Variants in PTPN22 observed in about 807,000 individuals in gnomAD.
PTPN22 encodes the protein tyrosine-protein phosphatase non-receptor type 22.
PTPN22 carries 85 observed loss-of-function variants against 103.3 expected under a neutral mutation model. The observed-to-expected ratio is 0.82, with a 90% CI of 0.69 to 0.99. The LOEUF (loss-of-function observed/expected upper bound fraction) is 0.99. Ranked by LOEUF, PTPN22 falls within the 50% of genes least tolerant of loss-of-function variation. The pLI is 0.00. For missense variants in PTPN22, 865 were observed against 936.9 expected (o/e 0.92, Z 1.00); for synonymous variants, 323 against 310.2 (o/e 1.04, Z -0.43).
intron 4 of PTPN22, 65 bp downstream of exon 4, chr1:113,858,413 A>T: frequency 8.0e-7 from 1 of 1,251,692 alleles, no homozygotes; most frequent in African/African-American, 1.5e-5. Flanking sequence ...CCACTGACCA[A>T]TTTTTTAAAA....
Position 113,836,415 on chromosome 1 carries a change from ATTTT to A in PTPN22, c.1810+1171_1810+1174del, listed in dbSNP as rs558084068. Among the ~76,000 whole-genome samples, 6 of 152,226 alleles carry A rather than the reference ATTTT, an allele frequency of 3.9e-5. No homozygotes were observed. The South Asian group carries it at 1.0e-3, about 26-fold the overall frequency. On this transcript the variant is annotated intron_variant, in intron 13 of 20. Coordinates refer to ENST00000359785, the Ensembl canonical transcript of PTPN22. ...AAAGTAAAGGTATACATATGATAAA[ATTTT>A]TACACAAAATACTAAACATGTATTG...
exon 13 of PTPN22, chr1:113,838,292 G>A (rs72650671): frequency 1.2e-6 from 2 of 1,613,740 alleles, no homozygotes; most frequent in Non-Finnish European, 1.7e-6. Context: ...TTAGCAGGGT[G>A]CAAAACTAGC....
intron 16 of PTPN22, chr1:113,832,798 T>G (rs1662659348): frequency 4.5e-6 from 1 of 222,536 alleles, no homozygotes; most frequent in South Asian, 6.9e-5. Flanking sequence ...CAGAAATAAT[T>G]TTTTGAATCA....
At chr1:113,816,877 C>G (rs1378878076) in intron 20 of PTPN22, among the ~76,000 whole-genome samples, 1 of 152,028 alleles carries the variant, frequency 6.6e-6, no homozygotes, top group African/African-American at 2.4e-5. Flanking sequence ...CCACTGCACT[C>G]CAGCCTGGGT....
At chr1:113,816,227 C>T (rs1661133566) in intron 20 of PTPN22, among the ~76,000 whole-genome samples, 1 of 152,102 alleles carries the variant, frequency 6.6e-6, no homozygotes, top group Admixed American at 6.6e-5. Flanking sequence ...TAATCCCACA[C>T]TTTGGGAGGC....
chr1:113,820,175 C>T (rs1379177852), intron 19 of PTPN22, among the ~76,000 whole-genome samples: 5 of 151,986 alleles, frequency 3.3e-5, no homozygotes, highest in African/African-American at 4.8e-5. Flanking sequence ...GGCCCATAAC[C>T]GGGCACGGTG....
intron 19 of PTPN22, among the ~76,000 whole-genome samples, chr1:113,822,953 C>T (rs996962400): frequency 3.3e-5 from 5 of 152,054 alleles, no homozygotes; most frequent in East Asian, 1.9e-4. Context: ...AGCTAGACTC[C>T]GTCTCAAAAA....
Position 113,854,485 on chromosome 1 carries a change from A to C in PTPN22, c.736T>G (p.Leu246Val). Residue 246 changes from leucine (L) to valine (V), a missense_variant, in exon 9 of 21, where the codon TTG becomes GTG. Transcript: ENST00000359785. ...GAGAAACTCACCCCATCTTTTAGCA[A>C]CATCCATGTATAATCAATAGCACAA... is the stretch of plus-strand genomic sequence containing the variant. 1.9e-6 allele frequency: 3 copies of C among 1,613,772 alleles called. 1 individual carries two copies. The South Asian group carries it at 3.3e-5, about 18-fold the overall frequency.
chr1:113,859,179 A>T, intron 2 of PTPN22, 101 bp from the exon 3 acceptor site: 1 of 1,563,920 alleles, frequency 6.4e-7, no homozygotes, highest in Non-Finnish European at 8.7e-7. Context: ...TGAGTGAACA[A>T]GTGAGTGAAT....
intron 10 of PTPN22, among the ~76,000 whole-genome samples, chr1:113,849,993 A>C (rs1296980665): frequency 6.6e-6 from 1 of 151,994 alleles, no homozygotes; most frequent in Non-Finnish European, 1.5e-5. Flanking sequence ...CAGGAGTTCA[A>C]GACCAGCCTG....
At chr1:113,837,462 GAAAAA>G in intron 13 of PTPN22, 123 bp downstream of exon 13, 1 of 683,460 alleles carries the variant, frequency 1.5e-6, no homozygotes, top group Non-Finnish European at 2.3e-6. Context: ...AAAAAAAAAA[GAAAAA>G]AAAGAGAAAA....
chr1:113,871,707 G>T (rs1160565288), exon 1 of PTPN22: 46 of 1,165,154 alleles, frequency 3.9e-5, no homozygotes, highest in Non-Finnish European at 1.4e-5. Context: ...CCTCCAAAAA[G>T]CCACTGCTGC....
At chr1:113,866,743 A>C (rs972338788) in intron 1 of PTPN22, among the ~76,000 whole-genome samples, 2 of 151,986 alleles carry the variant, frequency 1.3e-5, no homozygotes, top group Admixed American at 1.3e-4. Context: ...AAAAAAAGCT[A>C]TTGTTGGTTT....
chr1:113,871,661 G>C (rs774149498), exon 1 of PTPN22: 13 of 1,581,772 alleles, frequency 8.2e-6, no homozygotes, highest in Non-Finnish European at 1.1e-5. Flanking sequence ...AGTAGGTTGA[G>C]GGAGGGCATG....
intron 16 of PTPN22, among the ~76,000 whole-genome samples, chr1:113,832,387 C>T (rs1662623362): frequency 6.6e-6 from 1 of 152,160 alleles, no homozygotes; most frequent in Non-Finnish European, 1.5e-5. Flanking sequence ...ACCATGTTGG[C>T]CAGGATGGTC....
At chr1:113,869,067 T>C (rs1162713550) in intron 1 of PTPN22, among the ~76,000 whole-genome samples, 3 of 152,054 alleles carry the variant, frequency 2.0e-5, no homozygotes, top group Non-Finnish European at 4.4e-5. Flanking sequence ...AAATACAAAA[T>C]TAGCCAGGCG....
intron 20 of PTPN22, 153 bp downstream of exon 20, chr1:113,819,418 AGTTAAG>A: frequency 6.8e-6 from 3 of 438,784 alleles, no homozygotes. Flanking sequence ...GTTAAGAGGT[AGTTAAG>A]GTTAAAAATA....
intron 19 of PTPN22, among the ~76,000 whole-genome samples, chr1:113,824,106 CTT>C (rs57935879): frequency 3.4e-5 from 5 of 146,754 alleles, no homozygotes; most frequent in South Asian, 2.1e-4. Flanking sequence ...CACCATGGTT[CTT>C]TTTTTTTTTT....
chr1:113,835,677 A>G (rs1244479155), intron 13 of PTPN22, among the ~76,000 whole-genome samples: 1 of 152,186 alleles, frequency 6.6e-6, no homozygotes, highest in East Asian at 1.9e-4. Context: ...AAAACATTAT[A>G]AAGTGCTTTG....
Sources: gnomAD v4.1 joint callset for allele counts (sites outside exome capture counted in the v4.1 genomes callset) on GRCh38, gnomAD v4.1.1 for gene constraint, MANE v1.5 for transcripts, NCBI Gene and HGNC (gene_info 2026-07-23, HGNC 2026-07-21) for gene names.